The following ROBO1 variants were observed in gnomAD, a reference collection of about 807,000 sequenced individuals.
ROBO1 encodes the protein roundabout homolog 1.
In ROBO1, 149 loss-of-function variants were observed where a neutral mutation model predicts 195.9. That is an observed-to-expected ratio of 0.76 (90% CI 0.67 to 0.87). The LOEUF (loss-of-function observed/expected upper bound fraction) is 0.87. ROBO1 is among the 40% of genes least tolerant of loss of function. ROBO1 has a pLI of 0.00. For missense variants in ROBO1, 1,933 were observed against 2,068.3 expected, an observed-to-expected ratio of 0.93 and a Z score of 1.27; for synonymous variants, 816 against 733.2, an observed-to-expected ratio of 1.11 and a Z score of -1.82.
intron 2 of ROBO1, among the ~76,000 whole-genome samples, chr3:79,213,782 A>G (rs1445804687): frequency 6.6e-6 from 1 of 150,998 alleles, no homozygotes; most frequent in African/African-American, 2.4e-5. Context: ...CCCAGTAAAA[A>G]TCCAGTAAGA....
intron 4 of ROBO1, among the ~76,000 whole-genome samples, chr3:78,785,458 A>C (rs1210144901): frequency 6.6e-6 from 1 of 152,150 alleles, no homozygotes; most frequent in Non-Finnish European, 1.5e-5. Context: ...TCAAAACACT[A>C]AACTGTAGGC....
intron 2 of ROBO1, among the ~76,000 whole-genome samples, chr3:79,173,719 A>G (rs1023956477): frequency 1.3e-5 from 2 of 152,168 alleles, no homozygotes; most frequent in African/African-American, 4.8e-5. Flanking sequence ...CACAGGGTGC[A>G]GGACCGGCAG....
chr3:79,274,826 C>T lies in ROBO1; in HGVS notation c.89-149287G>A, dbSNP rs1054501919. 3.3e-5 allele frequency among the ~76,000 whole-genome samples: 5 copies of T among 151,796 alleles called. No individual in the cohort carries two copies. The East Asian group carries it at 7.7e-4, about 23-fold the overall frequency. ...CATTGCAACAAATACCGCAGAAATC[C>T]GAACGATCATTAGAGGTTAGTATGA... On this transcript the variant is annotated intron_variant, in intron 2 of 30. Coordinates refer to ENST00000464233, the MANE Select transcript of ROBO1 (RefSeq NM_002941.4).
chr3:79,454,724 T>A (rs991207512), intron 2 of ROBO1, among the ~76,000 whole-genome samples: 5 of 152,186 alleles, frequency 3.3e-5, no homozygotes, highest in Non-Finnish European at 5.9e-5. Context: ...CTCTTTTTTT[T>A]GTTTCAAATT....
intron 2 of ROBO1, among the ~76,000 whole-genome samples, chr3:79,128,566 T>C (rs2080260910): frequency 6.6e-6 from 1 of 152,132 alleles, no homozygotes; most frequent in African/African-American, 2.4e-5. Flanking sequence ...TTGCTACAAA[T>C]AAACTCAAAT....
intron 2 of ROBO1, among the ~76,000 whole-genome samples, chr3:79,504,540 G>A (rs943421140): frequency 6.6e-6 from 1 of 152,078 alleles, no homozygotes; most frequent in Admixed American, 6.6e-5. Context: ...CTAAATACAT[G>A]ATGTCCGCAT....
rs372635120 is a variant in ROBO1 at position 79,655,334 on chromosome 3, C to T, written c.-50-65373G>A. Reference sequence around the variant, plus strand: ...ACAGGGACTTCGCTGATACAAATGGCATACCACTGTTAAGCACAATACTGT... The same window carrying T: ...ACAGGGACTTCGCTGATACAAATGGTATACCACTGTTAAGCACAATACTGT... On this transcript the variant is annotated intron_variant, in intron 1 of 30. Coordinates refer to ENST00000464233, the MANE Select transcript of ROBO1 (RefSeq NM_002941.4). 9.2e-5 allele frequency among the ~76,000 whole-genome samples: 14 copies of T among 152,094 alleles called. No individual in the cohort carries two copies. The South Asian group carries it at 2.9e-3, about 32-fold the overall frequency.
At chr3:79,414,433 T>C (rs1315479911) in intron 2 of ROBO1, among the ~76,000 whole-genome samples, 1 of 152,174 alleles carries the variant, frequency 6.6e-6, no homozygotes, top group Non-Finnish European at 1.5e-5. Context: ...GTTGATACAT[T>C]TTAACATTAA....
intron 3 of ROBO1, among the ~76,000 whole-genome samples, chr3:79,083,656 C>A (rs1398522450): frequency 6.6e-6 from 1 of 152,186 alleles, no homozygotes; most frequent in Non-Finnish European, 1.5e-5. Context: ...TCCAAGTTAA[C>A]CTTAGCCCTT....
chr3:79,113,132 C>T (rs1226736417), intron 3 of ROBO1, among the ~76,000 whole-genome samples: 1 of 152,060 alleles, frequency 6.6e-6, no homozygotes, highest in African/African-American at 2.4e-5. Context: ...GATTTTCTCT[C>T]TGAGCTTCTT....
At chr3:79,100,143 A>T (rs572354579) in intron 3 of ROBO1, among the ~76,000 whole-genome samples, 1 of 151,940 alleles carries the variant, frequency 6.6e-6, no homozygotes, top group African/African-American at 2.4e-5. Context: ...ACAGTTGGGG[A>T]AACACAGAAA....
Position 79,686,419 on chromosome 3 carries a change from G to C in ROBO1, c.-51+81333C>G, listed in dbSNP as rs561450609. 5.9e-5 allele frequency among the ~76,000 whole-genome samples: 9 copies of C among 152,250 alleles called. No homozygotes were observed. In the South Asian group the frequency reaches 1.9e-3, roughly 32 times the overall value. ...TAAAGGGTATTCAATTAGGAAAAGAGGAAGTCAAATTGTCCCTGTTTGCAG... is the reference window on the plus strand; with the variant it reads ...TAAAGGGTATTCAATTAGGAAAAGACGAAGTCAAATTGTCCCTGTTTGCAG... On this transcript the variant is annotated intron_variant, in intron 1 of 30. Coordinates refer to ENST00000464233, the MANE Select transcript of ROBO1 (RefSeq NM_002941.4).
intron 2 of ROBO1, among the ~76,000 whole-genome samples, chr3:79,393,900 C>T (rs991777453): frequency 4.0e-5 from 6 of 151,874 alleles, no homozygotes; most frequent in Non-Finnish European, 8.8e-5. Flanking sequence ...AAGACGGGGC[C>T]AGGCTTATGA....
intron 2 of ROBO1, among the ~76,000 whole-genome samples, chr3:79,256,049 T>C (rs1239240262): frequency 6.6e-6 from 1 of 152,186 alleles, no homozygotes; most frequent in Non-Finnish European, 1.5e-5. Context: ...TACAAACTTC[T>C]GAGGACAAAA....
intron 2 of ROBO1, among the ~76,000 whole-genome samples, chr3:79,386,945 ATTTACAGTGAC>A (rs1218538369): frequency 6.6e-6 from 1 of 152,116 alleles, no homozygotes; most frequent in African/African-American, 2.4e-5. Flanking sequence ...TATTACAGAG[ATTTACAGTGAC>A]TTCTCAGCCA....
intron 1 of ROBO1, among the ~76,000 whole-genome samples, chr3:79,660,156 A>T (rs1240238486): frequency 6.6e-6 from 1 of 151,916 alleles, no homozygotes; most frequent in Non-Finnish European, 1.5e-5. Flanking sequence ...ATTGCATCCG[A>T]CTAGGGAAAT....
intron 1 of ROBO1, among the ~76,000 whole-genome samples, chr3:79,689,788 G>A (rs936869148): frequency 1.3e-5 from 2 of 151,920 alleles, no homozygotes; most frequent in African/African-American, 4.8e-5. Flanking sequence ...CTGGGTTCAT[G>A]TTTTCCTGGT....
At chr3:79,341,490 G>T (rs2034903485) in intron 2 of ROBO1, among the ~76,000 whole-genome samples, 2 of 150,948 alleles carry the variant, frequency 1.3e-5, no homozygotes, top group Non-Finnish European at 2.9e-5. Context: ...ATTTACCACT[G>T]GTTCTTTTTT....
intron 25 of ROBO1, among the ~76,000 whole-genome samples, chr3:78,627,941 G>A (rs1704918638): frequency 6.8e-6 from 1 of 147,042 alleles, no homozygotes; most frequent in South Asian, 2.1e-4. Flanking sequence ...GCTACATTTA[G>A]AGAAAAATTA....
Sources: allele counts gnomAD v4.1 joint callset (sites outside exome capture counted in the v4.1 genomes callset), GRCh38; gene constraint gnomAD v4.1.1; transcripts MANE v1.5; gene names NCBI Gene and HGNC (gene_info 2026-07-23, HGNC 2026-07-21).